Variants in PCSK5 observed in about 807,000 individuals in gnomAD.
PCSK5 encodes prohormone convertase 5.
Under a neutral mutation model 233.2 loss-of-function variants are expected in PCSK5, and 129 were observed. That is an observed-to-expected ratio of 0.55 (90% confidence interval 0.48 to 0.64). The LOEUF (loss-of-function observed/expected upper bound fraction) is 0.64. PCSK5 is among the 30% of genes least tolerant of loss of function. The probability of loss-of-function intolerance (pLI) is 0.00; values close to 1 mark genes in which losing one functional copy is unlikely to be tolerated. For missense variants in PCSK5, 2,076 were observed against 2,430.1 expected (o/e 0.85, Z 3.06); for synonymous variants, 825 against 879.2 (o/e 0.94, Z 1.09).
At position 76,189,181 on chromosome 9, in the gene PCSK5, A is replaced by G; in HGVS notation, c.2468A>G (p.Tyr823Cys). 6.2e-7 allele frequency: 1 copy of G among 1,612,850 alleles called. No homozygotes were observed. Among genetic ancestry groups the G allele is most frequent in the Non-Finnish European group, 8.5e-7 (1 of 1,179,428 alleles). Residue 823 changes from tyrosine (Y) to cysteine (C), a missense_variant, in exon 19 of 38, where the codon TAC becomes TGC. Tyr to Cys is a radical substitution (Grantham distance 194, BLOSUM62 -2). Coordinates refer to ENST00000674117, the MANE Select transcript of PCSK5 (RefSeq NM_001372043.1). Reference sequence around the variant, plus strand: ...GTGCAGAGCTGTAGTATCAGCTATTACTTTGACCACTCTTCAGAGAATGGA... The same window carrying G: ...GTGCAGAGCTGTAGTATCAGCTATTGCTTTGACCACTCTTCAGAGAATGGA... ...RCVQSCSISY[Y>C]FDHSSENGYK...
At chr9:76,299,265 T>G (rs867159072) in intron 27 of PCSK5, among the ~76,000 whole-genome samples, 1 of 152,324 alleles carries the variant, frequency 6.6e-6, no homozygotes, top group South Asian at 2.1e-4. Flanking sequence ...CTCTGTTTTT[T>G]CAGCCACCAA....
chr9:76,164,007 G>A (rs1335191126), intron 12 of PCSK5, among the ~76,000 whole-genome samples: 3 of 151,896 alleles, frequency 2.0e-5, no homozygotes, highest in Admixed American at 2.0e-4. Flanking sequence ...GAATATCTCT[G>A]CTTCTAATTA....
At chr9:75,983,271 A>C (rs1324255009) in intron 2 of PCSK5, among the ~76,000 whole-genome samples, 1 of 152,186 alleles carries the variant, frequency 6.6e-6, no homozygotes, top group African/African-American at 2.4e-5. Flanking sequence ...TAACTTACAT[A>C]ATTTATATGC....
At chr9:76,024,230 G>A (rs967455958) in intron 4 of PCSK5, among the ~76,000 whole-genome samples, 3 of 152,132 alleles carry the variant, frequency 2.0e-5, no homozygotes, top group East Asian at 1.9e-4. Context: ...AATGTACTTC[G>A]AACTTTTCTC....
chr9:76,326,222 A>G (rs1192760425), intron 32 of PCSK5, among the ~76,000 whole-genome samples: 2 of 152,036 alleles, frequency 1.3e-5, no homozygotes, highest in African/African-American at 4.8e-5. Context: ...TAAAACAAAA[A>G]TAATTATACA....
chr9:76,048,031 C>T (rs1251379174), intron 5 of PCSK5, among the ~76,000 whole-genome samples: 2 of 152,100 alleles, frequency 1.3e-5, no homozygotes, highest in East Asian at 1.9e-4. Context: ...CATTTAAAGC[C>T]GCTGTCACGT....
chr9:75,999,515 C>T (rs575214860), intron 3 of PCSK5, among the ~76,000 whole-genome samples: 3 of 152,286 alleles, frequency 2.0e-5, no homozygotes, highest in African/African-American at 4.8e-5. Flanking sequence ...AGGGATGGGC[C>T]GAATTAGAGG....
At chr9:76,146,530 A>G (rs935799879) in intron 10 of PCSK5, among the ~76,000 whole-genome samples, 7 of 150,106 alleles carry the variant, frequency 4.7e-5, no homozygotes, top group African/African-American at 7.3e-5. Flanking sequence ...ACATGTATGT[A>G]TATATATATA....
At chr9:76,040,512 C>A (rs1215163822) in intron 5 of PCSK5, among the ~76,000 whole-genome samples, 1 of 152,106 alleles carries the variant, frequency 6.6e-6, no homozygotes, top group Non-Finnish European at 1.5e-5. Context: ...TTCCCAAGAT[C>A]CCTTTAACAA....
At chr9:76,281,797 T>C (rs1054434817) in intron 24 of PCSK5, among the ~76,000 whole-genome samples, 2 of 152,114 alleles carry the variant, frequency 1.3e-5, no homozygotes, top group Non-Finnish European at 2.9e-5. Context: ...TACAGGTGTA[T>C]GCCACCACAC....
At chr9:75,919,379 C>T (rs1823144029) in intron 1 of PCSK5, among the ~76,000 whole-genome samples, 1 of 152,058 alleles carries the variant, frequency 6.6e-6, no homozygotes, top group Non-Finnish European at 1.5e-5. Context: ...TGGGTTGTTT[C>T]CAGTTTTTGG....
chr9:75,890,923 G>C lies in PCSK5; in HGVS notation c.-259G>C. ...CAGCCTCCTCCTGCGTCCGAGCCGG[G>C]GAGCATCGCCGAGCGCCCCACGGGC... On this transcript the variant is annotated 5_prime_UTR_variant, in exon 1 of 38. Coordinates refer to ENST00000674117, the MANE Select transcript of PCSK5 (RefSeq NM_001372043.1). 1 of 372,622 alleles carries C rather than the reference G, an allele frequency of 2.7e-6. No individual in the cohort carries two copies. The highest frequency in any genetic ancestry group is 4.8e-6 in the Non-Finnish European group (1 of 209,508). The allele number at this position is 372,622 out of a possible 1,614,324, so 23.1% of individuals were successfully genotyped here. A position where few individuals can be genotyped will look rare whatever the true frequency, so the allele number is the denominator to read the frequency against.
intron 24 of PCSK5, among the ~76,000 whole-genome samples, chr9:76,285,564 T>C (rs1034717774): frequency 1.3e-5 from 2 of 151,180 alleles, no homozygotes; most frequent in Non-Finnish European, 2.9e-5. Flanking sequence ...AGGGGGGGAG[T>C]CTGGCTTGCA....
At chr9:76,059,950 C>T (rs1829966989) in intron 5 of PCSK5, among the ~76,000 whole-genome samples, 2 of 152,110 alleles carry the variant, frequency 1.3e-5, no homozygotes, top group Non-Finnish European at 2.9e-5. Context: ...GAACTCTGTA[C>T]CCAGTGCAAT....
At chr9:76,006,774 G>A (rs1341025956) in intron 3 of PCSK5, among the ~76,000 whole-genome samples, 2 of 152,160 alleles carry the variant, frequency 1.3e-5, no homozygotes, top group African/African-American at 4.8e-5. Flanking sequence ...TGTAAGTGCA[G>A]TATACCCTGG....
At chr9:76,172,845 C>CT (rs1388688333) in intron 13 of PCSK5, among the ~76,000 whole-genome samples, 2 of 151,908 alleles carry the variant, frequency 1.3e-5, no homozygotes, top group African/African-American at 4.8e-5. Context: ...TGTGAAAAGC[C>CT]TGGTCATTAA....
intron 3 of PCSK5, among the ~76,000 whole-genome samples, chr9:75,998,757 C>G (rs1168269351): frequency 6.6e-6 from 1 of 152,112 alleles, no homozygotes; most frequent in East Asian, 1.9e-4. Flanking sequence ...TTACCAACTT[C>G]AATAATTACC....
At chr9:76,275,061 C>T (rs926303332) in intron 24 of PCSK5, among the ~76,000 whole-genome samples, 2 of 152,274 alleles carry the variant, frequency 1.3e-5, no homozygotes, top group East Asian at 1.9e-4. Context: ...ATGACCCAAA[C>T]ACCTCTCATT....
chr9:76,147,707 A>G (rs1379816004), intron 10 of PCSK5, among the ~76,000 whole-genome samples: 1 of 152,182 alleles, frequency 6.6e-6, no homozygotes, highest in East Asian at 1.9e-4. Flanking sequence ...TGCATCTGGA[A>G]GTGCCATCCT....
Sources: allele counts gnomAD v4.1 joint callset (sites outside exome capture counted in the v4.1 genomes callset), GRCh38; gene constraint gnomAD v4.1.1; transcripts MANE v1.5; gene names NCBI Gene and HGNC (gene_info 2026-07-23, HGNC 2026-07-21).